The following PPP2R1A variants were observed in gnomAD, a reference collection of about 807,000 sequenced individuals.
PPP2R1A encodes protein phosphatase 2 scaffold subunit Aalpha.
Under a neutral mutation model 67.1 loss-of-function variants are expected in PPP2R1A, and 15 were observed. The ratio of observed to expected loss-of-function variants is 0.22; its 90% confidence interval spans 0.15 to 0.34. The LOEUF is 0.34. Ranked by LOEUF, PPP2R1A falls within the 10% of genes least tolerant of loss-of-function variation. The pLI is 1.00. For missense variants in PPP2R1A, 369 were observed against 775.0 expected (o/e 0.48, Z 6.22); for synonymous variants, 337 against 325.0 (o/e 1.04, Z -0.40).
rs1384948453 is a variant in PPP2R1A, at chr19:52,228,997, A to G, written c.*3016A>G. On this transcript the variant is annotated 3_prime_UTR_variant, in exon 15 of 15. Transcript: ENST00000322088. ...TGGTTGTCGCTAGAGGAGAATTACCATGGCTCCCCCGGGCAGATGAAGATG... is the reference window on the plus strand; with the variant it reads ...TGGTTGTCGCTAGAGGAGAATTACCGTGGCTCCCCCGGGCAGATGAAGATG... 1.3e-5 allele frequency: 2 copies of G among 152,124 alleles called. No individual in the cohort carries two copies. The highest frequency in any genetic ancestry group is 6.6e-5 in the Admixed American group (1 of 15,262). The allele number at this position is 152,124 out of a possible 1,614,324, so 9.4% of individuals were successfully genotyped here.
chr19:52,225,822 A>G lies in PPP2R1A; in HGVS notation c.1753+14A>G. The G allele has an allele frequency of 6.2e-7, 1 of 1,613,368 alleles. No individual in the cohort carries two copies. Among genetic ancestry groups the G allele is most frequent in the South Asian group, 1.1e-5 (1 of 91,078 alleles). On this transcript the variant is annotated intron_variant, in intron 14 of 14. Coordinates refer to ENST00000322088, the MANE Select transcript of PPP2R1A (RefSeq NM_014225.6). ...AGGCTCTGACTGGTAAGACCTAGAA[A>G]GCACGGAGCCCTAGCAGGAGGGTGG...
At chr19:52,215,175 C>T (rs970210915) in intron 6 of PPP2R1A, among the ~76,000 whole-genome samples, 1 of 152,174 alleles carries the variant, frequency 6.6e-6, no homozygotes, top group Non-Finnish European at 1.5e-5. Flanking sequence ...CCCACTTCAG[C>T]CTTCTGAGTA....
At chr19:52,224,206 C>T (rs749324910) in intron 13 of PPP2R1A, among the ~76,000 whole-genome samples, 5 of 152,236 alleles carry the variant, frequency 3.3e-5, no homozygotes, top group Non-Finnish European at 5.9e-5. Context: ...GAACTGTCAA[C>T]TGAAAGTGTG....
In PPP2R1A at chr19:52,219,594, G is replaced by C; in HGVS notation, c.1129-97G>C. 7.8e-7 allele frequency: 1 copy of C among 1,290,196 alleles called. No individual in the cohort carries two copies. Among genetic ancestry groups the C allele is most frequent in the Non-Finnish European group, 1.1e-6 (1 of 934,090 alleles). The allele number at this position is 1,290,196 out of a possible 1,614,324, so 79.9% of individuals were successfully genotyped here. A position where few individuals can be genotyped will look rare whatever the true frequency, so the allele number is the denominator to read the frequency against. On this transcript the variant is annotated intron_variant, in intron 9 of 14. Transcript: ENST00000322088. This position sits in a 1 kb window ranked among gnomAD's most constrained non-coding sequence, Gnocchi z 4.0. ...CTTGGACAGGAGTAGTCCCTCGGGA[G>C]ATGTCCATAAAAGTTGATGCAGCTG...
In PPP2R1A at chr19:52,219,369, C is replaced by T. The variant is rs922930250; in HGVS notation, c.1129-322C>T. On this transcript the variant is annotated intron_variant, in intron 9 of 14. Transcript: ENST00000322088. This position sits in a 1 kb window ranked among gnomAD's most constrained non-coding sequence, Gnocchi z 4.0. ...GAAAGGAACCCTTGTTAGCAAGCAG[C>T]GGAGCTAGGATTAGAAGAATCATGT... is the stretch of plus-strand genomic sequence containing the variant. 3.9e-5 allele frequency among the ~76,000 whole-genome samples: 6 copies of T among 152,228 alleles called. No homozygotes were observed. Among genetic ancestry groups the T allele is most frequent in the African/African-American group, 1.4e-4 (6 of 41,466 alleles).
chr19:52,197,651 G>C (rs2089508647), intron 1 of PPP2R1A, among the ~76,000 whole-genome samples: 1 of 152,010 alleles, frequency 6.6e-6, no homozygotes, highest in Non-Finnish European at 1.5e-5. Flanking sequence ...CTCCAGCCTG[G>C]GTAACAGAGT....
In PPP2R1A at chr19:52,225,725, A is replaced by G; in HGVS notation, c.1670A>G (p.Gln557Arg). ...IGPILDNSTL[Q>R]SEVKPILEKL... Reference sequence around the variant, plus strand: ...CTCCTTTCGCTTTCCAGCACCTTGCAGAGTGAAGTCAAGCCCATCCTAGAG... The same window carrying G: ...CTCCTTTCGCTTTCCAGCACCTTGCGGAGTGAAGTCAAGCCCATCCTAGAG... Residue 557 changes from glutamine to arginine, a missense_variant, in exon 14 of 15, where the codon CAG becomes CGG. This residue lies in a region of PPP2R1A where 276 missense variants were observed against 508.4 expected (regional missense o/e 0.54). Coordinates refer to ENST00000322088, the MANE Select transcript of PPP2R1A (RefSeq NM_014225.6). 1 of 1,614,092 alleles carries G rather than the reference A, an allele frequency of 6.2e-7. No individual in the cohort carries two copies. Among genetic ancestry groups the G allele is most frequent in the Non-Finnish European group, 8.5e-7 (1 of 1,179,966 alleles).
chr19:52,224,273 A>C (rs1979117499), intron 13 of PPP2R1A, among the ~76,000 whole-genome samples: 1 of 152,174 alleles, frequency 6.6e-6, no homozygotes, highest in Non-Finnish European at 1.5e-5. Flanking sequence ...CCTCAGCTTT[A>C]GTTTCTCTCC....
Position 52,219,538 on chromosome 19 carries a change from C to T in PPP2R1A, c.1129-153C>T, listed in dbSNP as rs1284007083. On this transcript the variant is annotated intron_variant, in intron 9 of 14. Transcript: ENST00000322088. This position sits in a 1 kb window ranked among gnomAD's most constrained non-coding sequence, Gnocchi z 4.0. Reference sequence around the variant, plus strand: ...TCCATGCTGCTTGCTTTTTGTGTGCCGTTAATGTGTTCCCAGAACGGGGAG... The same window carrying T: ...TCCATGCTGCTTGCTTTTTGTGTGCTGTTAATGTGTTCCCAGAACGGGGAG... Among the ~76,000 whole-genome samples the T allele has an allele frequency of 2.0e-5, 3 of 152,156 alleles. No homozygotes were observed. Among genetic ancestry groups the T allele is most frequent in the Admixed American group, 6.5e-5 (1 of 15,282 alleles).
chr19:52,196,111 T>C (rs1199834258), intron 1 of PPP2R1A, among the ~76,000 whole-genome samples: 1 of 152,186 alleles, frequency 6.6e-6, no homozygotes, highest in African/African-American at 2.4e-5. Context: ...GAAATGGGGA[T>C]GAAGCCCAAA....
Position 52,212,683 on chromosome 19 carries a change from C to T in PPP2R1A, c.504-3C>T, listed in dbSNP as rs1385666333. The stretch of plus-strand genomic sequence containing the variant: ...CCTCAGGATCCCCGTCCCCGACTCC[C>T]AGGTACTTCCGGAACCTGTGCTCAG... On this transcript the variant is annotated splice_polypyrimidine_tract_variant and splice_region_variant and intron_variant, in intron 4 of 14. Coordinates refer to ENST00000322088, the MANE Select transcript of PPP2R1A (RefSeq NM_014225.6). The surrounding 1 kb of genome is among the most constrained non-coding windows in gnomAD (Gnocchi z 4.1). The T allele has an allele frequency of 1.2e-6, 2 of 1,612,852 alleles. No individual in the cohort carries two copies. Among genetic ancestry groups the T allele is most frequent in the African/African-American group, 1.3e-5 (1 of 74,950 alleles).
intron 13 of PPP2R1A, among the ~76,000 whole-genome samples, chr19:52,225,011 C>CTTTTTTTTT (rs61015844): frequency 2.0e-5 from 2 of 101,082 alleles, no homozygotes; most frequent in Admixed American, 1.1e-4. Context: ...TTGAGTTTAC[C>CTTTTTTTTT]TTTTTTTTTT....
At chr19:52,220,697 G>C (rs553994995) in intron 11 of PPP2R1A, among the ~76,000 whole-genome samples, 2 of 152,060 alleles carry the variant, frequency 1.3e-5, no homozygotes, top group African/African-American at 4.8e-5. Flanking sequence ...AGTAATAAGT[G>C]CCACATAATT....
intron 1 of PPP2R1A, chr19:52,201,578 T>C: frequency 5.3e-6 from 1 of 188,994 alleles, no homozygotes; most frequent in South Asian, 1.1e-4. Context: ...TGGCTGCTGC[T>C]GTTAAAGTAC....
chr19:52,199,877 T>C (rs1600159463), intron 1 of PPP2R1A, among the ~76,000 whole-genome samples: 1 of 152,346 alleles, frequency 6.6e-6, no homozygotes, highest in South Asian at 2.1e-4. Flanking sequence ...TTGCAGGTTT[T>C]GTAGTACTTT....
chr19:52,205,919 A>C, intron 2 of PPP2R1A, 44 bp from the exon 3 acceptor site: 1 of 1,523,684 alleles, frequency 6.6e-7, no homozygotes, highest in Non-Finnish European at 9.1e-7. Context: ...GGCTGGGGTC[A>C]GAGTTGAGAT....
At position 52,209,832 on chromosome 19, in the gene PPP2R1A, A is replaced by G. The variant is rs185982021; in HGVS notation, c.271-1428A>G. Among the ~76,000 whole-genome samples the G allele has an allele frequency of 9.5e-4, 145 of 152,362 alleles. 1 individual carries two copies. The highest frequency in any genetic ancestry group is 3.4e-3 in the African/African-American group (140 of 41,576). ...TCATCCATGTTGTAGCATGTGTTAC[A>G]TGAGACTTCTCACATACAAGATTCT... On this transcript the variant is annotated intron_variant, in intron 3 of 14. Coordinates refer to ENST00000322088, the MANE Select transcript of PPP2R1A (RefSeq NM_014225.6).
chr19:52,213,457 GTTTTTTTTTTTTTTTTTT>G lies in PPP2R1A; in HGVS notation c.807+360_807+377del, dbSNP rs398035011. 1.4e-4 allele frequency among the ~76,000 whole-genome samples: 10 copies of G among 71,762 alleles called. No homozygotes were observed. The highest frequency in any genetic ancestry group is 3.8e-4 in the African/African-American group (7 of 18,378). The allele number at this position is 71,762 out of a possible 152,430, so 47.1% of individuals were successfully genotyped here. A position where few individuals can be genotyped will look rare whatever the true frequency, so the allele number is the denominator to read the frequency against. ...GCCCAAAAAGGTGGGGTTTTTTGGT[GTTTTTTTTTTTTTTTTTT>G]TTTTTTTTTTTTAAGATGGAGTCTG... On this transcript the variant is annotated intron_variant, in intron 6 of 14. Transcript: ENST00000322088. This position sits in a 1 kb window ranked among gnomAD's most constrained non-coding sequence, Gnocchi z 4.2.
chr19:52,193,927 C>T (rs1056996145), intron 1 of PPP2R1A, among the ~76,000 whole-genome samples: 1 of 141,574 alleles, frequency 7.1e-6, no homozygotes, highest in East Asian at 2.0e-4. Context: ...GCCTGGGCAA[C>T]AAAGTGAGAC....
Sources: allele counts gnomAD v4.1 joint callset (sites outside exome capture counted in the v4.1 genomes callset), GRCh38; gene constraint gnomAD v4.1.1; regional missense constraint gnomAD v4.1.1; non-coding constraint Gnocchi (gnomAD v3.1); transcripts MANE v1.5; gene names NCBI Gene and HGNC (gene_info 2026-07-23, HGNC 2026-07-21).